The following ROR2 variants were observed in gnomAD, a reference collection of about 807,000 sequenced individuals.
The protein encoded by ROR2 is ROR family WNT receptor 2, also known as tyrosine-protein kinase transmembrane receptor ROR2.
A neutral mutation model predicts 74.9 loss-of-function variants in ROR2; 33 were observed. The observed-to-expected ratio is 0.44, with a 90% CI of 0.33 to 0.59. The LOEUF (loss-of-function observed/expected upper bound fraction) is 0.59. Among genes scored for constraint, ROR2 ranks in the 20% least tolerant of loss-of-function variants. The pLI, the probability that ROR2 is intolerant of heterozygous loss-of-function variation, is 0.02. For synonymous variants in ROR2, 586 were observed against 558.7 expected (o/e 1.05, Z -0.69); for missense variants, 1,216 against 1,313.8 (o/e 0.93, Z 1.15).
chr9:91,913,650 C>G (rs915900836), intron 1 of ROR2, among the ~76,000 whole-genome samples: 2 of 152,204 alleles, frequency 1.3e-5, no homozygotes, highest in Admixed American at 6.5e-5. Context: ...TGGATTTACT[C>G]TCTAAACTAC....
chr9:91,743,537 C>G (rs990969931), intron 4 of ROR2, among the ~76,000 whole-genome samples: 1 of 151,832 alleles, frequency 6.6e-6, no homozygotes, highest in South Asian at 2.1e-4. Flanking sequence ...TGCCATTGCA[C>G]TACAGCCTGG....
chr9:91,882,538 C>CA (rs1830146003), intron 1 of ROR2, among the ~76,000 whole-genome samples: 1 of 152,062 alleles, frequency 6.6e-6, no homozygotes, highest in Non-Finnish European at 1.5e-5. Flanking sequence ...AACAAGCCTC[C>CA]ACTTATCAAA....
intron 1 of ROR2, among the ~76,000 whole-genome samples, chr9:91,949,491 G>A (rs1252119106): frequency 6.6e-6 from 1 of 152,012 alleles, no homozygotes; most frequent in Non-Finnish European, 1.5e-5. Flanking sequence ...CGGGGAGGAA[G>A]CCCGGGTCCT....
At chr9:91,840,759 C>T (rs532640350) in intron 1 of ROR2, among the ~76,000 whole-genome samples, 8 of 152,366 alleles carry the variant, frequency 5.3e-5, no homozygotes, top group Admixed American at 4.6e-4. Context: ...GTCTCCCAGG[C>T]AGGCCTGGAG....
intron 1 of ROR2, among the ~76,000 whole-genome samples, chr9:91,839,759 A>C (rs531863910): frequency 6.6e-6 from 1 of 151,392 alleles, no homozygotes; most frequent in East Asian, 1.9e-4. Flanking sequence ...GCGTGCATAC[A>C]TGTGTGTCTG....
intron 1 of ROR2, among the ~76,000 whole-genome samples, chr9:91,808,524 T>C (rs1394234254): frequency 7.2e-5 from 11 of 151,922 alleles, no homozygotes; most frequent in Non-Finnish European, 1.2e-4. Context: ...CTGGGGAGGC[T>C]GAGGCAGGAG....
At chr9:91,808,006 T>A (rs79142848) in intron 1 of ROR2, among the ~76,000 whole-genome samples, 1 of 152,284 alleles carries the variant, frequency 6.6e-6, no homozygotes, top group African/African-American at 2.4e-5. Context: ...GTTGTATTTG[T>A]TACTATAATT....
intron 1 of ROR2, among the ~76,000 whole-genome samples, chr9:91,925,591 T>G (rs956409278): frequency 6.6e-6 from 1 of 152,044 alleles, no homozygotes; most frequent in African/African-American, 2.4e-5. Flanking sequence ...CAATTCCCAA[T>G]GCCCTCGCCA....
At position 91,745,914 on chromosome 9, in the gene ROR2, C is replaced by CT. The variant is rs1186012805; in HGVS notation, c.495-8397dup. ...CAGAACTTACCATAAAAAGATGTCA[C>CT]TGAGAAAAAAATTAGACTGGCTTCC... is the stretch of plus-strand genomic sequence containing the variant. On this transcript the variant is annotated intron_variant, in intron 4 of 8. Coordinates refer to ENST00000375708, the MANE Select transcript of ROR2 (RefSeq NM_004560.4). Among the ~76,000 whole-genome samples, 4 of 152,162 alleles carry CT rather than the reference C, an allele frequency of 2.6e-5. No homozygotes were observed. The East Asian group carries it at 7.7e-4, about 29-fold the overall frequency.
intron 1 of ROR2, among the ~76,000 whole-genome samples, chr9:91,812,701 T>C (rs568588444): frequency 2.6e-4 from 40 of 152,204 alleles, no homozygotes; most frequent in Non-Finnish European, 1.0e-4. Flanking sequence ...CCGTGGGACT[T>C]TCTGCCTTGT....
At chr9:91,922,450 A>ATT (rs1277726022) in intron 1 of ROR2, among the ~76,000 whole-genome samples, 1 of 148,530 alleles carries the variant, frequency 6.7e-6, no homozygotes, top group East Asian at 2.1e-4. Flanking sequence ...TACTTAAATA[A>ATT]TTTTTTTATT....
intron 1 of ROR2, among the ~76,000 whole-genome samples, chr9:91,834,168 G>A (rs10992126): frequency 0.47 from 71,495 of 152,036 alleles, 19,329 homozygotes; most frequent in African/African-American, 0.74. Context: ...AAAAGGCACA[G>A]CCTGGCTCAG....
Position 91,731,048 on chromosome 9 carries a change from G to C in ROR2, c.1045C>G (p.His349Asp), listed in dbSNP as rs55983376. 5,828 of 1,614,150 alleles carry C rather than the reference G, an allele frequency of 3.6e-3. 189 individuals carry two copies. In the African/African-American group the frequency reaches 0.066, roughly 18 times the overall value. ...PWALQHPHSH[H>D]LSSTDFPELG... ...TCAGGGAAGTCTGTGCTGGACAGGT[G>C]GTGGCTGTGGGGGTGCTGCAGGGCC... The change falls in exon 7 of 9, where the codon CAC (histidine) becomes GAC (aspartate). Residue 349 changes from histidine to aspartate, a missense_variant. Transcript: ENST00000375708.
intron 1 of ROR2, among the ~76,000 whole-genome samples, chr9:91,914,976 A>G (rs968105646): frequency 5.3e-5 from 8 of 152,188 alleles, no homozygotes; most frequent in Admixed American, 1.3e-4. Flanking sequence ...CCCTGTCAGA[A>G]TATTTCCATC....
intron 1 of ROR2, among the ~76,000 whole-genome samples, chr9:91,830,263 G>A (rs1331384589): frequency 2.0e-5 from 3 of 152,082 alleles, no homozygotes; most frequent in Admixed American, 1.3e-4. Context: ...CCAGGAGTTC[G>A]AGACCAGCCT....
chr9:91,819,882 GTGTC>G (rs1227685920), intron 1 of ROR2, among the ~76,000 whole-genome samples: 2 of 151,886 alleles, frequency 1.3e-5, no homozygotes, highest in Non-Finnish European at 2.9e-5. Flanking sequence ...TTGTGTGTGT[GTGTC>G]TGTTTAGTGT....
rs1836973456 is a variant in ROR2 at position 91,725,013 on chromosome 9, C to T, written c.1481G>A (p.Gly494Asp). The change falls in exon 9 of 9, where the codon GGC becomes GAC. Residue 494 changes from glycine to aspartate, a missense_variant. Physicochemically the swap from Gly to Asp is moderately conservative, Grantham distance 94. Coordinates refer to ENST00000375708, the MANE Select transcript of ROR2 (RefSeq NM_004560.4). The part of the protein sequence containing the change: ...FGKVYKGHLF[G>D]PAPGEQTQAV... ...CTGGGTCTGCTCCCCCGGGGCAGGG[C>T]CGAACAGGTGACCTTTGTAGACTTT... 6.2e-7 allele frequency: 1 copy of T among 1,613,886 alleles called. No homozygotes were observed. The highest frequency in any genetic ancestry group is 1.7e-5 in the Admixed American group (1 of 60,026).
chr9:91,774,173 C>A (rs1026601570), intron 2 of ROR2, among the ~76,000 whole-genome samples: 2 of 152,206 alleles, frequency 1.3e-5, no homozygotes, highest in African/African-American at 4.8e-5. Flanking sequence ...GTGTACTAAA[C>A]AAGCTTTCAG....
At chr9:91,846,160 C>G (rs1828923138) in intron 1 of ROR2, among the ~76,000 whole-genome samples, 2 of 152,192 alleles carry the variant, frequency 1.3e-5, no homozygotes, top group Admixed American at 1.3e-4. Context: ...AAGCCTGTCT[C>G]TTCATCTTAA....
Sources: gnomAD v4.1 joint callset for allele counts (sites outside exome capture counted in the v4.1 genomes callset) on GRCh38, gnomAD v4.1.1 for gene constraint, MANE v1.5 for transcripts, NCBI Gene and HGNC (gene_info 2026-07-23, HGNC 2026-07-21) for gene names.